C2CD2: variants seen among roughly 807,000 people sequenced by gnomAD.
The protein encoded by C2CD2 is C2 calcium dependent domain containing 2.
C2CD2 carries 43 observed loss-of-function variants against 74.3 expected under a neutral mutation model. That is an observed-to-expected ratio of 0.58 (90% CI 0.45 to 0.75). C2CD2 has a LOEUF of 0.75. C2CD2 is among the 30% of genes least tolerant of loss of function. The pLI, the probability that C2CD2 is intolerant of heterozygous loss-of-function variation, is 0.00. For missense variants in C2CD2, 801 were observed against 916.3 expected (o/e 0.87, Z 1.63); for synonymous variants, 422 against 390.7 (o/e 1.08, Z -0.94).
chr21:41,891,004 A>G (rs946081546), intron 13 of C2CD2, among the ~76,000 whole-genome samples: 1 of 152,224 alleles, frequency 6.6e-6, no homozygotes, highest in Non-Finnish European at 1.5e-5. Context: ...TAATTTTTTA[A>G]AAACTTGACT....
At chr21:41,952,981 T>A (rs1404139686) in intron 1 of C2CD2, 2 of 204,980 alleles carry the variant, frequency 9.8e-6, no homozygotes, top group African/African-American at 4.6e-5. Flanking sequence ...GGAAGCACAT[T>A]GGGGTCACAG....
intron 6 of C2CD2, 126 bp downstream of exon 6, chr21:41,914,472 G>C: frequency 1.5e-6 from 1 of 680,752 alleles, no homozygotes; most frequent in South Asian, 2.2e-5. Flanking sequence ...CTGCAACCGT[G>C]GCAGGGCTCC....
chr21:41,930,698 T>C (rs981443678), intron 2 of C2CD2, among the ~76,000 whole-genome samples: 1 of 145,252 alleles, frequency 6.9e-6, no homozygotes, highest in African/African-American at 2.5e-5. Context: ...TGAGATTCTG[T>C]CTCAAAACAA....
chr21:41,913,603 A>C (rs1242521801), intron 6 of C2CD2, among the ~76,000 whole-genome samples: 1 of 152,210 alleles, frequency 6.6e-6, no homozygotes, highest in Non-Finnish European at 1.5e-5. Flanking sequence ...TTTACCAAAA[A>C]ACATCCTCAA....
At chr21:41,941,446 G>A (rs2065353589) in intron 2 of C2CD2, among the ~76,000 whole-genome samples, 1 of 152,194 alleles carries the variant, frequency 6.6e-6, no homozygotes. Context: ...TATCTGACCA[G>A]TCTAGTAAGT....
intron 1 of C2CD2, among the ~76,000 whole-genome samples, chr21:41,948,320 C>T (rs1601607219): frequency 8.9e-6 from 1 of 112,012 alleles, no homozygotes; most frequent in East Asian, 1.9e-4. Flanking sequence ...TCTGCCCAGA[C>T]AGCCCCTGGC....
intron 13 of C2CD2, among the ~76,000 whole-genome samples, chr21:41,891,603 G>T (rs1450741584): frequency 6.6e-6 from 1 of 152,144 alleles, no homozygotes; most frequent in East Asian, 1.9e-4. Flanking sequence ...CCTCAGTGGT[G>T]TTTCTGATCT....
At chr21:41,928,368 T>G (rs1211669306) in intron 2 of C2CD2, among the ~76,000 whole-genome samples, 4 of 151,180 alleles carry the variant, frequency 2.6e-5, no homozygotes, top group African/African-American at 9.7e-5. Flanking sequence ...CTCGTGGGAG[T>G]CGCATTCAGG....
Position 41,907,084 on chromosome 21 carries a change from G to C in C2CD2, c.1226C>G (p.Thr409Arg). 1 of 1,613,636 alleles carries C rather than the reference G, an allele frequency of 6.2e-7. No homozygotes were observed. Residue 409 changes from threonine to arginine, a missense_variant, in exon 10 of 14, where the codon ACG becomes AGG. Thr to Arg is a moderately conservative substitution (Grantham distance 71, BLOSUM62 -1). Transcript: ENST00000380486. ...VPAAKIEKDR[T>R]VMPCGTVVTT... ...GACCACAGTCCCACAGGGCATCACCGTGCGGTCCTTTTCTATTTTTGCAGC... is the reference window on the plus strand; with the variant it reads ...GACCACAGTCCCACAGGGCATCACCCTGCGGTCCTTTTCTATTTTTGCAGC...
chr21:41,942,331 T>G (rs2065361719), intron 1 of C2CD2, 86 bp from the exon 2 acceptor site: 1 of 1,062,008 alleles, frequency 9.4e-7, no homozygotes. Flanking sequence ...TTCTGAAAAA[T>G]TAAGAAAATG....
rs1265909872 is a variant in C2CD2, at chr21:41,939,560, C to A, written c.378+2587G>T. On this transcript the variant is annotated intron_variant, in intron 2 of 13. Transcript: ENST00000380486. This position sits in a 1 kb window ranked among gnomAD's most constrained non-coding sequence, Gnocchi z 5.5. ...GAGGGCAGGCCCACGGCTCTCTGCA[C>A]CTCAGCTCCCAAGAGTATAAAATGG... Among the ~76,000 whole-genome samples the A allele has an allele frequency of 6.6e-6, 1 of 152,212 alleles. No individual in the cohort carries two copies. Among genetic ancestry groups the A allele is most frequent in the Non-Finnish European group, 1.5e-5 (1 of 68,042 alleles).
At chr21:41,914,477 G>C (rs1569068337) in intron 6 of C2CD2, 121 bp downstream of exon 6, 1 of 722,106 alleles carries the variant, frequency 1.4e-6, no homozygotes, top group Non-Finnish European at 2.2e-6. Flanking sequence ...ACCGTGGCAG[G>C]GCTCCCGCTG....
chr21:41,929,231 C>CATGGAG lies in C2CD2; in HGVS notation c.379-7147_379-7146insCTCCAT. ...TCTGGCCTCTGCTGCGTCAGAGCTCCATACCTTGGCCAAGTGACTGCACCT... is the reference window on the plus strand; with the variant it reads ...TCTGGCCTCTGCTGCGTCAGAGCTCCATGGAGATACCTTGGCCAAGTGACTGCACCT... On this transcript the variant is annotated intron_variant, in intron 2 of 13. Coordinates refer to ENST00000380486, the MANE Select transcript of C2CD2 (RefSeq NM_015500.2). This position sits in a 1 kb window ranked among gnomAD's most constrained non-coding sequence, Gnocchi z 4.6. Among the ~76,000 whole-genome samples the CATGGAG allele has an allele frequency of 6.6e-6, 1 of 152,224 alleles. No homozygotes were observed. The highest frequency in any genetic ancestry group is 1.5e-5 in the Non-Finnish European group (1 of 68,044).
At position 41,892,927 on chromosome 21, in the gene C2CD2, C is replaced by A. The variant is rs1196166388; in HGVS notation, c.1871-3583G>T. On this transcript the variant is annotated intron_variant, in intron 13 of 13. Coordinates refer to ENST00000380486, the MANE Select transcript of C2CD2 (RefSeq NM_015500.2). This position sits in a 1 kb window ranked among gnomAD's most constrained non-coding sequence, Gnocchi z 4.6. ...GCAGCCCACCCGCAGGGCCCGGTGC[C>A]ACGCCAGAGACGCGCGGTGCGCCCA... Among the ~76,000 whole-genome samples, 2 of 152,250 alleles carry A rather than the reference C, an allele frequency of 1.3e-5. No homozygotes were observed. The highest frequency in any genetic ancestry group is 2.9e-5 in the Non-Finnish European group (2 of 68,054).
intron 1 of C2CD2, among the ~76,000 whole-genome samples, chr21:41,950,661 T>C (rs1212204712): frequency 6.6e-6 from 1 of 152,254 alleles, no homozygotes; most frequent in Non-Finnish European, 1.5e-5. Context: ...GGGAACAGGC[T>C]GCAGCCACCA....
In C2CD2 at chr21:41,929,939, T is replaced by C. The variant is rs764568477; in HGVS notation, c.379-7854A>G. On this transcript the variant is annotated intron_variant, in intron 2 of 13. Transcript: ENST00000380486. This position sits in a 1 kb window ranked among gnomAD's most constrained non-coding sequence, Gnocchi z 4.6. ...GAAGAACAGGCTTCTGCCTTAAGGG[T>C]ACCCCTTTGCTTTTGGGGCAGAAAG... Among the ~76,000 whole-genome samples, 3 of 152,216 alleles carry C rather than the reference T, an allele frequency of 2.0e-5. No individual in the cohort carries two copies. Among genetic ancestry groups the C allele is most frequent in the Non-Finnish European group, 4.4e-5 (3 of 68,036 alleles).
Position 41,945,569 on chromosome 21 carries a change from C to T in C2CD2, c.280-3324G>A, listed in dbSNP as rs60114428. Among the ~76,000 whole-genome samples, 12,433 of 151,848 alleles carry T rather than the reference C, an allele frequency of 0.082. 790 individuals carry two copies. The highest frequency in any genetic ancestry group is 0.28 in the East Asian group (1,461 of 5,170). On this transcript the variant is annotated intron_variant, in intron 1 of 13. Transcript: ENST00000380486. The surrounding 1 kb of genome is among the most constrained non-coding windows in gnomAD (Gnocchi z 4.2). ...TACTCTCAAAGGAGCACCCTGATGG[C>T]CCAAAGGAGAACAACCTAAGCAACT...
chr21:41,939,882 C>T lies in C2CD2; in HGVS notation c.378+2265G>A, dbSNP rs1024548843. Among the ~76,000 whole-genome samples the T allele has an allele frequency of 6.6e-6, 1 of 152,210 alleles. No homozygotes were observed. The highest frequency in any genetic ancestry group is 2.4e-5 in the African/African-American group (1 of 41,466). On this transcript the variant is annotated intron_variant, in intron 2 of 13. Transcript: ENST00000380486. This position sits in a 1 kb window ranked among gnomAD's most constrained non-coding sequence, Gnocchi z 5.5. ...CAGTGACCCGCCAGGCTCATGCCTGCCCTTGGGGTCCTCCGGTGCTTGTCT... is the reference window on the plus strand; with the variant it reads ...CAGTGACCCGCCAGGCTCATGCCTGTCCTTGGGGTCCTCCGGTGCTTGTCT...
chr21:41,948,298 A>G (rs536445865), intron 1 of C2CD2, among the ~76,000 whole-genome samples: 2,184 of 151,762 alleles, frequency 0.014, 44 homozygotes, highest in African/African-American at 0.042. Context: ...TGTGCTGGGC[A>G]CTGGGTCTGG....
Sources: allele counts gnomAD v4.1 joint callset (sites outside exome capture counted in the v4.1 genomes callset), GRCh38; gene constraint gnomAD v4.1.1; non-coding constraint Gnocchi (gnomAD v3.1); transcripts MANE v1.5; gene names NCBI Gene and HGNC (gene_info 2026-07-23, HGNC 2026-07-21).